The following IP6K2 variants were observed in gnomAD, a reference collection of about 807,000 sequenced individuals.
IP6K2 encodes the protein ATP:1D-myo-inositol-hexakisphosphate phosphotransferase.
A neutral mutation model predicts 43.3 loss-of-function variants in IP6K2; 9 were observed. The ratio of observed to expected loss-of-function variants is 0.21; its 90% CI spans 0.13 to 0.36. IP6K2 has a LOEUF of 0.36. Ranked by LOEUF, IP6K2 falls within the 10% of genes least tolerant of loss-of-function variation. IP6K2 has a pLI of 1.00. For missense variants in IP6K2, 332 were observed against 538.4 expected (o/e 0.62, Z 3.79); for synonymous variants, 209 against 202.4 (o/e 1.03, Z -0.28).
At chr3:48,697,817 T>A (rs1242250460) in intron 1 of IP6K2, among the ~76,000 whole-genome samples, 1 of 152,102 alleles carries the variant, frequency 6.6e-6, no homozygotes, top group Non-Finnish European at 1.5e-5. Context: ...CAGCTAGGAC[T>A]ACAGGTGCAT....
rs1034522568 is a variant in IP6K2, at chr3:48,695,940, AGTG to A, written c.-130-522_-130-520del. Among the ~76,000 whole-genome samples, 1 of 150,666 alleles carries A rather than the reference AGTG, an allele frequency of 6.6e-6. No homozygotes were observed. The highest frequency in any genetic ancestry group is 2.4e-5 in the African/African-American group (1 of 41,028). ...TCACTCTATCGCCAGGCGGGAGTGC[AGTG>A]GCACAATCTCGACTCACTGCAACCT... On this transcript the variant is annotated intron_variant, in intron 1 of 5. Transcript: ENST00000328631. This position sits in a 1 kb window ranked among gnomAD's most constrained non-coding sequence, Gnocchi z 4.6.
chr3:48,715,573 T>C (rs1261258091), intron 1 of IP6K2: 16 of 1,091,148 alleles, frequency 1.5e-5, no homozygotes, highest in Non-Finnish European at 2.1e-5. Context: ...CACTGATTTC[T>C]AGATCTCCCA....
rs372239035 is a variant in IP6K2 at position 48,709,609 on chromosome 3, C to T, written c.-131+7548G>A. 1.1e-4 allele frequency among the ~76,000 whole-genome samples: 17 copies of T among 152,286 alleles called. No individual in the cohort carries two copies. The East Asian group carries it at 2.3e-3, about 21-fold the overall frequency. ...ATCCCAGCACTTTGGGAGGCCAAGG[C>T]AGGCAGATCACGAGGTCAGGAGATC... is the stretch of plus-strand genomic sequence containing the variant. On this transcript the variant is annotated intron_variant, in intron 1 of 5. Coordinates refer to ENST00000328631, the MANE Select transcript of IP6K2 (RefSeq NM_016291.4).
chr3:48,697,488 A>ATTTTCTTT (rs2078519305), intron 1 of IP6K2, among the ~76,000 whole-genome samples: 1 of 64,326 alleles, frequency 1.6e-5, no homozygotes, highest in African/African-American at 6.6e-5. Flanking sequence ...ATGCCTGGCT[A>ATTTTCTTT]TTTTTTTTTT....
chr3:48,694,554 A>C, intron 2 of IP6K2: 1 of 1,521,878 alleles, frequency 6.6e-7, no homozygotes. Context: ...AAAGAAATAA[A>C]AAATTATCAT....
At chr3:48,715,605 C>T (rs2081100522) in intron 1 of IP6K2, 1 of 740,326 alleles carries the variant, frequency 1.4e-6, no homozygotes, top group Non-Finnish European at 2.2e-6. Context: ...TGCTCCCTCC[C>T]TACCCAGGCC....
chr3:48,691,422 T>C lies in IP6K2; in HGVS notation c.489A>G (p.Val163=), dbSNP rs1466360002. ...GGGAACTTATATTCCCCTTCTTCTC[T>C]ACAGTGTAGTACAAGACTTCAGATT... ...LKKSEVLYYT[V]EKKGNISSQL... is the part of the protein sequence containing the mutation. Residue 163 remains valine (V), a synonymous_variant, in exon 4 of 6, where the codon GTA becomes GTG. Transcript: ENST00000328631. 4.3e-6 allele frequency: 7 copies of C among 1,613,090 alleles called. No individual in the cohort carries two copies. Among genetic ancestry groups the C allele is most frequent in the Non-Finnish European group, 5.9e-6 (7 of 1,179,026 alleles).
At chr3:48,694,948 G>C in intron 2 of IP6K2, 142 bp downstream of exon 2, 1 of 1,571,820 alleles carries the variant, frequency 6.4e-7, no homozygotes, top group Non-Finnish European at 8.6e-7. Flanking sequence ...TGAGGGCCAG[G>C]AGGAGGAGAA....
chr3:48,714,110 C>T (rs1410222224), intron 1 of IP6K2, among the ~76,000 whole-genome samples: 1 of 152,252 alleles, frequency 6.6e-6, no homozygotes, highest in Admixed American at 6.5e-5. Flanking sequence ...GAGCGAGACT[C>T]CGTCTCATTA....
chr3:48,694,310 G>A, intron 2 of IP6K2: 1 of 1,551,054 alleles, frequency 6.4e-7, no homozygotes. Flanking sequence ...CAATACACAT[G>A]CATATTCAGA....
At chr3:48,698,794 C>G (rs190696756) in intron 1 of IP6K2, among the ~76,000 whole-genome samples, 27 of 152,188 alleles carry the variant, frequency 1.8e-4, no homozygotes, top group African/African-American at 6.3e-4. Context: ...AAAAACTCAG[C>G]TAGGTGTAGT....
rs753998544 is a variant in IP6K2 at position 48,688,669 on chromosome 3, A to G, written c.885T>C (p.Asn295=). 8 of 1,614,232 alleles carry G rather than the reference A, an allele frequency of 5.0e-6. No individual in the cohort carries two copies. In the Admixed American group the frequency reaches 5.0e-5, roughly 10 times the overall value. ...GGAGTTCACGGCGCAGGTACCGCCC[A>G]TTGTGGAAGAACTGGAAAAGTGCCT... The part of the protein sequence containing the change: ...FKEALFQFFH[N]GRYLRRELLG... The change falls in exon 6 of 6, where the codon AAT becomes AAC. Residue 295 remains asparagine, a synonymous_variant. Transcript: ENST00000328631. The surrounding 1 kb of genome is among the most constrained non-coding windows in gnomAD (Gnocchi z 5.1).
At chr3:48,708,955 C>A (rs2080154571) in intron 1 of IP6K2, among the ~76,000 whole-genome samples, 3 of 152,152 alleles carry the variant, frequency 2.0e-5, no homozygotes, top group Admixed American at 2.0e-4. Flanking sequence ...GTTGTCCCAG[C>A]TACTCGGGAG....
chr3:48,693,229 C>A (rs752281924), intron 2 of IP6K2, 50 bp from the exon 3 acceptor site: 2 of 1,448,702 alleles, frequency 1.4e-6, no homozygotes, highest in Non-Finnish European at 1.9e-6. Flanking sequence ...CAGGAAGAAG[C>A]GTTGTAAGTA....
In IP6K2 at chr3:48,688,492, G is replaced by A. The variant is rs745632118; in HGVS notation, c.1062C>T (p.Asp354=). 6.2e-7 allele frequency: 1 copy of A among 1,614,058 alleles called. No homozygotes were observed. Among genetic ancestry groups the A allele is most frequent in the African/African-American group, 1.3e-5 (1 of 74,906 alleles). Residue 354 remains aspartate (D), a synonymous_variant, in exon 6 of 6, where the codon GAC becomes GAT. Coordinates refer to ENST00000328631, the MANE Select transcript of IP6K2 (RefSeq NM_016291.4). The surrounding 1 kb of genome is among the most constrained non-coding windows in gnomAD (Gnocchi z 5.1). Reference sequence around the variant, plus strand: ...ACTCATCAGCTGATTCCTCTGACAGGTCCTCCAAATCCTCAGCATCTGAGT... The same window carrying A: ...ACTCATCAGCTGATTCCTCTGACAGATCCTCCAAATCCTCAGCATCTGAGT... ...VLDSDAEDLE[D]LSEESADESA...
chr3:48,701,064 TTTAAC>T (rs764874674), intron 1 of IP6K2, among the ~76,000 whole-genome samples: 4 of 152,124 alleles, frequency 2.6e-5, no homozygotes, highest in Non-Finnish European at 4.4e-5. Context: ...CTCCTAGGTG[TTTAAC>T]TAAGTGGAAT....
At chr3:48,693,615 G>C (rs1000957470) in intron 2 of IP6K2, 55 of 1,147,586 alleles carry the variant, frequency 4.8e-5, no homozygotes, top group East Asian at 6.6e-5. Context: ...GGGGAACACA[G>C]GTTTGCCTGA....
At chr3:48,715,641 C>A in intron 1 of IP6K2, 1 of 596,964 alleles carries the variant, frequency 1.7e-6, no homozygotes, top group Non-Finnish European at 2.9e-6. Context: ...ACCAAACAAA[C>A]AAAAAGCTAG....
chr3:48,714,713 GGT>G (rs2080980899), intron 1 of IP6K2, among the ~76,000 whole-genome samples: 1 of 152,048 alleles, frequency 6.6e-6, no homozygotes, highest in African/African-American at 2.4e-5. Flanking sequence ...TTCTTTAAAA[GGT>G]AGGGCAGGCC....
Sources: gnomAD v4.1 joint callset for allele counts (sites outside exome capture counted in the v4.1 genomes callset) on GRCh38, gnomAD v4.1.1 for gene constraint, Gnocchi (gnomAD v3.1) non-coding constraint, MANE v1.5 for transcripts, NCBI Gene and HGNC (gene_info 2026-07-23, HGNC 2026-07-21) for gene names.